PLCB1: variants seen among roughly 807,000 people sequenced by gnomAD.
PLCB1 encodes the protein 1-phosphatidylinositol 4,5-bisphosphate phosphodiesterase beta-1.
PLCB1 carries 46 observed loss-of-function variants against 161.8 expected under a neutral mutation model. The ratio of observed to expected loss-of-function variants is 0.28; its 90% CI spans 0.22 to 0.36. The LOEUF is 0.36. Among genes scored for constraint, PLCB1 ranks in the 10% least tolerant of loss-of-function variants. The pLI is 1.00. For missense variants in PLCB1, 1,016 were observed against 1,472.5 expected, an observed-to-expected ratio of 0.69 and a Z score of 5.07; for synonymous variants, 517 against 503.7, an observed-to-expected ratio of 1.03 and a Z score of -0.35.
At chr20:8,656,826 A>G (rs1989472660) in intron 7 of PLCB1, among the ~76,000 whole-genome samples, 1 of 151,874 alleles carries the variant, frequency 6.6e-6, no homozygotes, top group Non-Finnish European at 1.5e-5. Flanking sequence ...TCTGTCAAAC[A>G]GACTATCTTT....
At chr20:8,682,594 G>GA (rs1990250502) in intron 9 of PLCB1, among the ~76,000 whole-genome samples, 1 of 152,172 alleles carries the variant, frequency 6.6e-6, no homozygotes, top group Non-Finnish European at 1.5e-5. Flanking sequence ...TATTGAATGT[G>GA]AAAAGATTTT....
intron 2 of PLCB1, among the ~76,000 whole-genome samples, chr20:8,185,587 ATT>A (rs71888859): frequency 0.38 from 57,291 of 150,532 alleles, 12,470 homozygotes; most frequent in African/African-American, 0.61. Flanking sequence ...TTTATTACTT[ATT>A]TTATATATAT....
chr20:8,679,434 G>C (rs1402981689), intron 9 of PLCB1, among the ~76,000 whole-genome samples: 1 of 152,168 alleles, frequency 6.6e-6, no homozygotes, highest in Non-Finnish European at 1.5e-5. Flanking sequence ...CCTGAGTGTA[G>C]AGGAGGCATC....
chr20:8,865,623 T>C (rs1364336305), intron 31 of PLCB1, among the ~76,000 whole-genome samples: 3 of 152,226 alleles, frequency 2.0e-5, no homozygotes, highest in Non-Finnish European at 2.9e-5. Context: ...TATCTCATCA[T>C]GGCAATTCAG....
intron 3 of PLCB1, among the ~76,000 whole-genome samples, chr20:8,602,763 G>A (rs1276534283): frequency 6.6e-6 from 1 of 152,158 alleles, no homozygotes; most frequent in African/African-American, 2.4e-5. Flanking sequence ...TCTATTTAAA[G>A]GGATTTTAAT....
intron 2 of PLCB1, among the ~76,000 whole-genome samples, chr20:8,340,524 G>C (rs1249695794): frequency 6.6e-6 from 1 of 151,948 alleles, no homozygotes. Context: ...CCGGGTTCAC[G>C]CCATTCTCCT....
At chr20:8,354,626 C>A (rs958273980) in intron 2 of PLCB1, among the ~76,000 whole-genome samples, 6 of 152,228 alleles carry the variant, frequency 3.9e-5, no homozygotes, top group African/African-American at 1.4e-4. Flanking sequence ...AAAGTGGAGG[C>A]TCTGATACAC....
At chr20:8,281,270 T>G (rs1347218935) in intron 2 of PLCB1, among the ~76,000 whole-genome samples, 2 of 152,186 alleles carry the variant, frequency 1.3e-5, no homozygotes. Flanking sequence ...GAGCCCTTCT[T>G]TTAAAATCAC....
chr20:8,870,287 G>A (rs1381072035), intron 31 of PLCB1, among the ~76,000 whole-genome samples: 1 of 152,174 alleles, frequency 6.6e-6, no homozygotes, highest in Non-Finnish European at 1.5e-5. Flanking sequence ...TAAAAGAAAG[G>A]ATTTGAGTAT....
intron 7 of PLCB1, among the ~76,000 whole-genome samples, chr20:8,655,270 C>T (rs748502889): frequency 2.0e-5 from 3 of 152,124 alleles, no homozygotes; most frequent in Non-Finnish European, 4.4e-5. Context: ...ACAGCACATG[C>T]GTGCTCGCTA....
At chr20:8,616,843 G>T (rs1988052223) in intron 3 of PLCB1, among the ~76,000 whole-genome samples, 2 of 152,150 alleles carry the variant, frequency 1.3e-5, no homozygotes, top group South Asian at 2.1e-4. Flanking sequence ...CTTTGAGTTG[G>T]ACTGTACTGT....
chr20:8,612,583 G>A (rs552519185), intron 3 of PLCB1, among the ~76,000 whole-genome samples: 33 of 152,200 alleles, frequency 2.2e-4, no homozygotes, highest in Admixed American at 2.0e-3. Context: ...GGATTATCGC[G>A]CATCCACTAA....
At chr20:8,237,619 G>T (rs2123196672) in intron 2 of PLCB1, among the ~76,000 whole-genome samples, 1 of 152,112 alleles carries the variant, frequency 6.6e-6, no homozygotes, top group South Asian at 2.1e-4. Context: ...AAGCAGAAAT[G>T]AAATAATTAT....
intron 31 of PLCB1, among the ~76,000 whole-genome samples, chr20:8,879,103 T>C (rs1987882580): frequency 6.6e-6 from 1 of 152,196 alleles, no homozygotes; most frequent in Non-Finnish European, 1.5e-5. Context: ...GATAATGGCC[T>C]CCAGCTGCAT....
intron 2 of PLCB1, among the ~76,000 whole-genome samples, chr20:8,252,532 A>G (rs1382693806): frequency 1.3e-5 from 2 of 152,038 alleles, no homozygotes; most frequent in Non-Finnish European, 2.9e-5. Context: ...GATCTCATAT[A>G]GCATTAGAAT....
intron 3 of PLCB1, among the ~76,000 whole-genome samples, chr20:8,547,406 A>C (rs1173462817): frequency 6.6e-6 from 1 of 152,222 alleles, no homozygotes; most frequent in East Asian, 1.9e-4. Context: ...TCAGGAAACT[A>C]GTCCTGCGTG....
At chr20:8,470,625 G>A (rs934432675) in intron 3 of PLCB1, among the ~76,000 whole-genome samples, 7 of 152,060 alleles carry the variant, frequency 4.6e-5, no homozygotes, top group Admixed American at 1.3e-4. Flanking sequence ...GCTCACTGCA[G>A]CCTTGACTTC....
chr20:8,628,566 C>A, intron 4 of PLCB1, 135 bp downstream of exon 4: 4 of 831,034 alleles, frequency 4.8e-6, no homozygotes, highest in South Asian at 1.8e-5. Flanking sequence ...AATTCAGCTG[C>A]CAAGTATAAG....
At chr20:8,577,437 CAAAA>C (rs11289640) in intron 3 of PLCB1, among the ~76,000 whole-genome samples, 5 of 94,030 alleles carry the variant, frequency 5.3e-5, no homozygotes, top group Non-Finnish European at 6.9e-5. Flanking sequence ...GACCCTGTCT[CAAAA>C]AAAAAAAAAA....
Sources: allele counts gnomAD v4.1 joint callset (sites outside exome capture counted in the v4.1 genomes callset), GRCh38; gene constraint gnomAD v4.1.1; transcripts MANE v1.5; gene names NCBI Gene and HGNC (gene_info 2026-07-23, HGNC 2026-07-21).